The following ITK variants were observed in gnomAD, a reference collection of about 807,000 sequenced individuals.
ITK encodes tyrosine-protein kinase ITK/TSK.
A neutral mutation model predicts 87.6 loss-of-function variants in ITK; 45 were observed. That is an observed-to-expected ratio of 0.51 (90% CI 0.40 to 0.66). The LOEUF (loss-of-function observed/expected upper bound fraction) is 0.66, where lower values mean the gene tolerates loss of function less well. ITK is among the 30% of genes least tolerant of loss of function. The probability of loss-of-function intolerance (pLI) is 0.00; values close to 1 mark genes in which losing one functional copy is unlikely to be tolerated. For synonymous variants in ITK, 303 were observed against 273.6 expected, an observed-to-expected ratio of 1.11 and a Z score of -1.06; for missense variants, 605 against 766.3, an observed-to-expected ratio of 0.79 and a Z score of 2.48.
chr5:157,198,582 G>A (rs922400020), intron 1 of ITK, among the ~76,000 whole-genome samples: 1 of 152,136 alleles, frequency 6.6e-6, no homozygotes, highest in Non-Finnish European at 1.5e-5. Flanking sequence ...GTGGTCCAGG[G>A]AGCCTTGAAA....
Position 157,211,240 on chromosome 5 carries a change from A to G in ITK, c.244-47A>G, listed in dbSNP as rs570989313. The G allele has an allele frequency of 1.4e-4, 208 of 1,508,270 alleles. 8 individuals are homozygous for G. In the South Asian group the frequency reaches 2.3e-3, roughly 16 times the overall value. The allele number at this position is 1,508,270 out of a possible 1,614,324, so 93.4% of individuals were successfully genotyped here. ...TCAGTAGGTCTGCTGTCAGTCAACT[A>G]TCTCCATGCACGCTGCTCACCTTGA... is the stretch of plus-strand genomic sequence containing the variant. On this transcript the variant is annotated intron_variant, in intron 2 of 16. Transcript: ENST00000422843.
intron 12 of ITK, 95 bp downstream of exon 12, chr5:157,243,889 C>A: frequency 8.6e-7 from 1 of 1,165,288 alleles, no homozygotes; most frequent in Non-Finnish European, 1.3e-6. Context: ...GTACTATCTC[C>A]CTGCGCAAAC....
intron 12 of ITK, 82 bp downstream of exon 12, chr5:157,243,876 G>A: frequency 3.8e-6 from 5 of 1,325,304 alleles, no homozygotes; most frequent in Non-Finnish European, 5.4e-6. Flanking sequence ...CAAACGCCAG[G>A]GGGTACTATC....
chr5:157,217,984 C>A, intron 5 of ITK, 77 bp downstream of exon 5: 1 of 1,258,640 alleles, frequency 7.9e-7, no homozygotes, highest in South Asian at 1.2e-5. Context: ...TGCATGTCCC[C>A]CTCTCCCCAT....
At position 157,219,273 on chromosome 5, in the gene ITK, C is replaced by T. The variant is rs374600277; in HGVS notation, c.495+1366C>T. ...GATTACAGGCGCTCACCATCATGCCCGGCTAATTTTTGTATTTTTAATAGA... is the reference window on the plus strand; with the variant it reads ...GATTACAGGCGCTCACCATCATGCCTGGCTAATTTTTGTATTTTTAATAGA... On this transcript the variant is annotated intron_variant, in intron 5 of 16. Coordinates refer to ENST00000422843, the MANE Select transcript of ITK (RefSeq NM_005546.4). Among the ~76,000 whole-genome samples the T allele has an allele frequency of 8.6e-5, 13 of 151,962 alleles. No individual in the cohort carries two copies. In the South Asian group the frequency reaches 2.3e-3, roughly 27 times the overall value.
At chr5:157,206,436 T>C (rs1415931431) in intron 1 of ITK, among the ~76,000 whole-genome samples, 1 of 152,200 alleles carries the variant, frequency 6.6e-6, no homozygotes, top group Non-Finnish European at 1.5e-5. Context: ...CTCCTCAATT[T>C]CTTGGAATGG....
At chr5:157,223,277 A>AC (rs1754463441) in intron 6 of ITK, among the ~76,000 whole-genome samples, 2 of 149,782 alleles carry the variant, frequency 1.3e-5, no homozygotes. Context: ...CATCTAAAAA[A>AC]CCCCCTGGAT....
At chr5:157,193,958 T>C (rs1753803591) in intron 1 of ITK, among the ~76,000 whole-genome samples, 1 of 152,180 alleles carries the variant, frequency 6.6e-6, no homozygotes, top group African/African-American at 2.4e-5. Flanking sequence ...ATTTCCTCCT[T>C]ACAATTCTTT....
chr5:157,232,447 T>G, intron 8 of ITK, 53 bp downstream of exon 8: 2,457 of 972,616 alleles, frequency 2.5e-3, no homozygotes, highest in Non-Finnish European at 3.7e-3. Context: ...TTAAGTGCAC[T>G]GTCTCATGTC....
rs1754911933 is a variant in ITK at position 157,241,740 on chromosome 5, A to G, written c.1060+20A>G. ...GATACGGTGAGCAGTACAATCAGGA[A>G]TGTAAACTCATGTCCCTAAAGGTCT... On this transcript the variant is annotated intron_variant, in intron 11 of 16. Coordinates refer to ENST00000422843, the MANE Select transcript of ITK (RefSeq NM_005546.4). The G allele has an allele frequency of 6.3e-7, 1 of 1,580,734 alleles. No homozygotes were observed. Among genetic ancestry groups the G allele is most frequent in the East Asian group, 2.2e-5 (1 of 44,720 alleles).
chr5:157,237,901 A>G (rs1754809373), intron 8 of ITK, among the ~76,000 whole-genome samples: 1 of 152,248 alleles, frequency 6.6e-6, no homozygotes, highest in Non-Finnish European at 1.5e-5. Flanking sequence ...TCATGTCAGC[A>G]TGAGAACAGT....
rs528441402 is a variant in ITK, at chr5:157,245,947, A to G, written c.1581A>G (p.Pro527=). The G allele has an allele frequency of 6.2e-7, 1 of 1,614,188 alleles. No individual in the cohort carries two copies. The highest frequency in any genetic ancestry group is 8.5e-7 in the Non-Finnish European group (1 of 1,180,022). Residue 527 remains proline (P), a synonymous_variant, in exon 15 of 17, where the codon CCA becomes CCG. Transcript: ENST00000422843. The part of the protein sequence containing the change: ...GTKFPVKWAS[P]EVFSFSRYSS... The stretch of plus-strand genomic sequence containing the variant: ...AATTCCCGGTGAAGTGGGCATCCCC[A>G]GAGGTTTTCTCTTTCAGTCGCTATA...
intron 1 of ITK, among the ~76,000 whole-genome samples, chr5:157,201,736 C>CAAAA (rs34192469): frequency 8.7e-6 from 1 of 114,456 alleles, no homozygotes; most frequent in East Asian, 2.2e-4. Flanking sequence ...TAATTTTCCA[C>CAAAA]AAAAAAAAAA....
chr5:157,251,664 T>C (rs895867796), intron 16 of ITK, among the ~76,000 whole-genome samples: 2 of 152,232 alleles, frequency 1.3e-5, no homozygotes, highest in Non-Finnish European at 2.9e-5. Context: ...TATGATCCAC[T>C]TTGAGTTAAT....
chr5:157,213,639 A>G, intron 3 of ITK: 1 of 440,210 alleles, frequency 2.3e-6, no homozygotes, highest in South Asian at 1.6e-5. Context: ...GCCTCGGCCT[A>G]CGAAAGTACT....
intron 1 of ITK, among the ~76,000 whole-genome samples, chr5:157,203,497 G>A (rs1754017361): frequency 6.6e-6 from 1 of 152,212 alleles, no homozygotes; most frequent in Non-Finnish European, 1.5e-5. Flanking sequence ...AGCAAATGGA[G>A]TTGTCATATC....
At chr5:157,229,058 AATAAT>A (rs1431447775) in intron 7 of ITK, among the ~76,000 whole-genome samples, 3 of 152,254 alleles carry the variant, frequency 2.0e-5, no homozygotes, top group Non-Finnish European at 4.4e-5. Flanking sequence ...CAAACCATTG[AATAAT>A]ATAAGAATCT....
intron 4 of ITK, 131 bp from the exon 5 acceptor site, chr5:157,217,736 C>G: frequency 1.3e-6 from 1 of 761,620 alleles, no homozygotes; most frequent in Non-Finnish European, 2.3e-6. Flanking sequence ...TCTTATTGCT[C>G]CTTCTGGCCC....
chr5:157,248,515 C>G (rs531150762), intron 15 of ITK, among the ~76,000 whole-genome samples: 1 of 152,110 alleles, frequency 6.6e-6, no homozygotes, highest in Non-Finnish European at 1.5e-5. Context: ...TCTCATTTTC[C>G]ACAATCCTCC....
Sources: gnomAD v4.1 joint callset for allele counts (sites outside exome capture counted in the v4.1 genomes callset) on GRCh38, gnomAD v4.1.1 for gene constraint, MANE v1.5 for transcripts, NCBI Gene and HGNC (gene_info 2026-07-23, HGNC 2026-07-21) for gene names.